Variants in MKLN1 observed in about 807,000 individuals in gnomAD.
MKLN1 encodes the protein muskelin 1.
A neutral mutation model predicts 99.0 loss-of-function variants in MKLN1; 18 were observed. The ratio of observed to expected loss-of-function variants is 0.18; its 90% CI spans 0.13 to 0.27. The LOEUF (loss-of-function observed/expected upper bound fraction) is 0.27, where lower values mean the gene tolerates loss of function less well. Ranked by LOEUF, MKLN1 falls within the 10% of genes least tolerant of loss-of-function variation. MKLN1 has a pLI of 1.00. For missense variants in MKLN1, 621 were observed against 875.9 expected (o/e 0.71, Z 3.67); for synonymous variants, 288 against 293.2 (o/e 0.98, Z 0.18).
chr7:131,290,756 T>G (rs1321980665), intron 3 of MKLN1, among the ~76,000 whole-genome samples: 1 of 152,232 alleles, frequency 6.6e-6, no homozygotes, highest in Non-Finnish European at 1.5e-5. Flanking sequence ...AAGGTAAACT[T>G]TAGCTGAAAC....
intron 1 of MKLN1, among the ~76,000 whole-genome samples, chr7:131,128,144 T>C (rs1795491179): frequency 6.7e-6 from 1 of 149,326 alleles, no homozygotes; most frequent in African/African-American, 2.5e-5. Flanking sequence ...CTGTGATGTG[T>C]CCAAGTGGTC....
chr7:131,429,195 G>A (rs111926893), intron 9 of MKLN1, 50 bp downstream of exon 9: 5 of 1,233,432 alleles, frequency 4.1e-6, no homozygotes, highest in South Asian at 4.0e-5. Context: ...GGGCGTAGAT[G>A]TGCACTTGTT....
intron 6 of MKLN1, among the ~76,000 whole-genome samples, chr7:131,404,761 C>T (rs898685571): frequency 3.3e-5 from 5 of 151,798 alleles, no homozygotes; most frequent in Admixed American, 3.3e-4. Flanking sequence ...TGCGCCACTA[C>T]ACCCGGTTAA....
At chr7:131,411,199 A>G (rs962836711) in intron 6 of MKLN1, 107 bp from the exon 7 acceptor site, 6 of 607,208 alleles carry the variant, frequency 9.9e-6, no homozygotes, top group African/African-American at 1.9e-5. Flanking sequence ...TATTAGTGAC[A>G]TATTAGTAAT....
At chr7:131,431,218 T>C (rs1159111970) in intron 9 of MKLN1, among the ~76,000 whole-genome samples, 1 of 148,838 alleles carries the variant, frequency 6.7e-6, no homozygotes, top group Non-Finnish European at 1.5e-5. Flanking sequence ...TGAGACTCTG[T>C]CTCAAAAAAA....
rs2116728778 is a variant in MKLN1 at position 131,492,117 on chromosome 7, A to G, written c.*4389A>G. On this transcript the variant is annotated 3_prime_UTR_variant, in exon 18 of 18. Transcript: ENST00000352689. ...TGTGTTGGCCTCTTTTTCTGGCATT[A>G]GGATCTCTTGTCATAGAACTATTGG... The G allele has an allele frequency of 6.6e-6, 1 of 152,328 alleles. No individual in the cohort carries two copies. The highest frequency in any genetic ancestry group is 2.4e-5 in the African/African-American group (1 of 41,572). 9.4% of individuals were successfully genotyped at this position (152,328 alleles called of 1,614,324 possible). A position where few individuals can be genotyped will look rare whatever the true frequency, so the allele number is the denominator to read the frequency against.
At chr7:131,444,767 AGTAGTAGTAGTAGTAGT>A (rs1563352032) in intron 11 of MKLN1, among the ~76,000 whole-genome samples, 3 of 17,546 alleles carry the variant, frequency 1.7e-4, no homozygotes, top group Admixed American at 9.4e-4. Context: ...TAGAAGAAGT[AGTAGTAGTAGTAGTAGT>A]AGTAGTAGTA....
At chr7:131,162,596 A>G (rs891455191) in intron 2 of MKLN1, among the ~76,000 whole-genome samples, 1 of 152,202 alleles carries the variant, frequency 6.6e-6, no homozygotes, top group Non-Finnish European at 1.5e-5. Context: ...TATAATATGT[A>G]TATGAAACAC....
At chr7:131,346,000 G>A (rs562838757) in intron 1 of MKLN1, among the ~76,000 whole-genome samples, 53 of 152,190 alleles carry the variant, frequency 3.5e-4, no homozygotes, top group Middle Eastern at 3.4e-3. Flanking sequence ...CTTAATTCAC[G>A]TGGCATTTTC....
At chr7:131,422,082 A>G (rs1584725542) in intron 8 of MKLN1, among the ~76,000 whole-genome samples, 1 of 152,222 alleles carries the variant, frequency 6.6e-6, no homozygotes, top group African/African-American at 2.4e-5. Flanking sequence ...AAGTAGTAAA[A>G]TATAGTTTAA....
At chr7:131,186,541 C>T (rs747381409) in intron 2 of MKLN1, among the ~76,000 whole-genome samples, 1 of 152,076 alleles carries the variant, frequency 6.6e-6, no homozygotes, top group Non-Finnish European at 1.5e-5. Context: ...CTGCTCTGGA[C>T]GCTGCTAGGT....
At position 131,156,465 on chromosome 7, in the gene MKLN1, A is replaced by G. The variant is rs1000345737; in HGVS notation, c.-297+13524A>G. 2.2e-4 allele frequency among the ~76,000 whole-genome samples: 34 copies of G among 151,408 alleles called. 1 individual carries two copies. In the South Asian group the frequency reaches 4.6e-3, roughly 20 times the overall value. ...TCTGTCTCAAAAAAAAAAAAAAAAA[A>G]AAAAAGAAAAGTGACAGGCATTCAG... On this transcript the variant is annotated intron_variant, in intron 2 of 7. Transcript: ENST00000416992.
intron 3 of MKLN1, among the ~76,000 whole-genome samples, chr7:131,287,360 A>G (rs1316161873): frequency 2.0e-5 from 3 of 152,228 alleles, no homozygotes; most frequent in Admixed American, 2.0e-4. Context: ...TGGCAAGGCC[A>G]CACTCCTGAA....
intron 1 of MKLN1, among the ~76,000 whole-genome samples, chr7:131,335,507 A>G (rs1458416111): frequency 6.6e-6 from 1 of 152,176 alleles, no homozygotes; most frequent in East Asian, 1.9e-4. Context: ...GTACCCTAAC[A>G]TAACTTATAT....
At chr7:131,461,556 A>T (rs921840375) in intron 12 of MKLN1, among the ~76,000 whole-genome samples, 1 of 152,202 alleles carries the variant, frequency 6.6e-6, no homozygotes, top group East Asian at 1.9e-4. Flanking sequence ...GTAAAAGGAC[A>T]TGAATTTAAG....
chr7:131,256,421 G>T (rs1797658696), intron 3 of MKLN1, among the ~76,000 whole-genome samples: 1 of 152,174 alleles, frequency 6.6e-6, no homozygotes, highest in Admixed American at 6.6e-5. Flanking sequence ...AATTATAAAA[G>T]ACACTATATA....
rs946883098 is a variant in MKLN1, at chr7:131,128,931, A to C, written c.-418-13889A>C. On this transcript the variant is annotated intron_variant, in intron 1 of 7. Coordinates refer to the MKLN1 transcript ENST00000416992. ...TTTTTTTTTTTTTGGTAGAGACAGG[A>C]TCTTGCTCTGTTGCCCAAGCTAGAG... Among the ~76,000 whole-genome samples, 16 of 135,214 alleles carry C rather than the reference A, an allele frequency of 1.2e-4. No individual in the cohort carries two copies. In the East Asian group the frequency reaches 2.5e-3, roughly 21 times the overall value. 88.7% of individuals were successfully genotyped at this position (135,214 alleles called of 152,430 possible).
chr7:131,166,355 C>T (rs1244195127), intron 2 of MKLN1, among the ~76,000 whole-genome samples: 7 of 152,150 alleles, frequency 4.6e-5, no homozygotes, highest in African/African-American at 1.4e-4. Flanking sequence ...CACTGGCTAA[C>T]GTAATCATAT....
intron 2 of MKLN1, among the ~76,000 whole-genome samples, chr7:131,154,042 T>C (rs1795929783): frequency 6.6e-6 from 1 of 152,038 alleles, no homozygotes; most frequent in Admixed American, 6.6e-5. Flanking sequence ...GGAATGTGAG[T>C]CTACGATGCT....
Sources: gnomAD v4.1 joint callset for allele counts (sites outside exome capture counted in the v4.1 genomes callset) on GRCh38, gnomAD v4.1.1 for gene constraint, MANE v1.5 for transcripts, NCBI Gene and HGNC (gene_info 2026-07-23, HGNC 2026-07-21) for gene names.